The following F8 variants were observed in gnomAD, a reference collection of about 807,000 sequenced individuals.
F8 encodes coagulation factor VIII, also known as antihemophilic factor.
F8 carries 12 observed loss-of-function variants against 140.6 expected under a neutral mutation model. That is an observed-to-expected ratio of 0.09 (90% CI 0.05 to 0.14). The LOEUF is 0.14. F8 is among the 10% of genes least tolerant of loss of function. The pLI is 1.00. For synonymous variants in F8, 585 were observed against 614.6 expected (o/e 0.95, Z 0.71); for missense variants, 1,354 against 1,720.7 (o/e 0.79, Z 3.77).
chrX:154,903,602 G>T (rs918917917), intron 18 of F8, among the ~76,000 whole-genome samples: 4 of 111,840 alleles, frequency 3.6e-5, no homozygotes, highest in Non-Finnish European at 7.5e-5. Flanking sequence ...GATGACTACT[G>T]GTGCCCTATG....
At chrX:154,947,956 A>G in intron 12 of F8, 49 bp from the exon 13 acceptor site, 5 of 980,369 alleles carry the variant, frequency 5.1e-6, no homozygotes, top group Non-Finnish European at 7.3e-6. Context: ...CAGATTTAGT[A>G]TTTTGGATTG....
intron 3 of F8, 77 bp downstream of exon 3, chrX:154,996,896 C>T (rs1459779807): frequency 2.4e-5 from 26 of 1,083,842 alleles, no homozygotes; most frequent in Middle Eastern, 2.8e-4. Context: ...AGAGTTGTAA[C>T]GCCACCATTA....
chrX:154,946,965 C>T (rs138895701), intron 13 of F8, among the ~76,000 whole-genome samples: 1,957 of 111,276 alleles, frequency 0.018, 44 homozygotes, highest in African/African-American at 0.06. Flanking sequence ...GTGGCTCACG[C>T]CTGTAATCCC....
At position 154,861,748 on chromosome X, in the gene F8, G is replaced by C. The variant is rs1253629664; in HGVS notation, c.6693C>G (p.Leu2231=). The change falls in exon 24 of 26, where the codon CTC becomes CTG. Residue 2231 remains leucine, a synonymous_variant. Transcript: ENST00000360256. ...GTCTCCAGGCATTACTCCTCCCTTG[G>C]AGGTGAAGTCGAGCTTTTGAAGGAG... is the stretch of plus-strand genomic sequence containing the variant. ...TWSPSKARLH[L]QGRSNAWRPQ... The C allele has an allele frequency of 3.3e-6, 4 of 1,210,324 alleles. No homozygotes were observed. The highest frequency in any genetic ancestry group is 3.4e-6 in the Non-Finnish European group (3 of 895,281).
At chrX:154,858,738 C>T (rs1338701079) in intron 25 of F8, among the ~76,000 whole-genome samples, 2 of 112,202 alleles carry the variant, frequency 1.8e-5, no homozygotes, top group Non-Finnish European at 3.8e-5. Flanking sequence ...AGGTAGTTAT[C>T]AATACCAGCC....
intron 12 of F8, among the ~76,000 whole-genome samples, chrX:154,953,681 C>A (rs1407083085): frequency 9.0e-6 from 1 of 111,562 alleles, no homozygotes; most frequent in Non-Finnish European, 1.9e-5. Flanking sequence ...AGAGGGAAAT[C>A]AAGTAAATAT....
chrX:154,899,090 G>A (rs1184173076), intron 21 of F8, among the ~76,000 whole-genome samples: 1 of 112,794 alleles, frequency 8.9e-6, no homozygotes, highest in Non-Finnish European at 1.9e-5. Flanking sequence ...ATAACATGTT[G>A]TTTGGCAGAA....
At chrX:154,868,173 C>A in intron 22 of F8, among the ~76,000 whole-genome samples, 1 of 111,547 alleles carries the variant, frequency 9.0e-6, no homozygotes, top group Non-Finnish European at 1.9e-5. Flanking sequence ...GAATCGTAAT[C>A]CCCATAATGC....
intron 22 of F8, among the ~76,000 whole-genome samples, chrX:154,878,428 C>CAAAA (rs57418004): frequency 1.1e-4 from 3 of 26,738 alleles, no homozygotes; most frequent in Non-Finnish European, 1.4e-4. Context: ...TTTTCATGAC[C>CAAAA]AAAAAAAAAA....
At chrX:154,941,369 G>T (rs1247702382) in intron 13 of F8, among the ~76,000 whole-genome samples, 1 of 111,538 alleles carries the variant, frequency 9.0e-6, no homozygotes, top group Non-Finnish European at 1.9e-5. Context: ...TGCAATCCTA[G>T]TCTCTGATAG....
At chrX:154,864,739 T>C (rs1383540911) in intron 22 of F8, among the ~76,000 whole-genome samples, 1 of 111,670 alleles carries the variant, frequency 9.0e-6, no homozygotes, top group African/African-American at 3.3e-5. Flanking sequence ...GCAGACTCAA[T>C]CATTCAGAAG....
intron 25 of F8, among the ~76,000 whole-genome samples, chrX:154,856,212 A>AC (rs1353516391): frequency 8.9e-6 from 1 of 112,847 alleles, no homozygotes; most frequent in African/African-American, 3.2e-5. Flanking sequence ...TTCAGAAGAC[A>AC]CAGATCTCAC....
intron 4 of F8, among the ~76,000 whole-genome samples, chrX:154,988,697 C>T (rs1259155113): frequency 8.9e-6 from 1 of 111,972 alleles, no homozygotes; most frequent in Non-Finnish European, 1.9e-5. Context: ...GCAGATTCCC[C>T]CACTGAACCA....
At chrX:154,956,044 G>A (rs1227092779) in intron 11 of F8, among the ~76,000 whole-genome samples, 1 of 111,795 alleles carries the variant, frequency 8.9e-6, no homozygotes, top group Non-Finnish European at 1.9e-5. Flanking sequence ...CTCCCCCTGG[G>A]AATGCATTCT....
At chrX:154,982,684 G>A (rs887966974) in intron 6 of F8, among the ~76,000 whole-genome samples, 1 of 110,537 alleles carries the variant, frequency 9.0e-6, no homozygotes, top group African/African-American at 3.3e-5. Context: ...AAAATTAACG[G>A]TAGTAGCCAT....
chrX:154,878,829 C>T lies in F8; in HGVS notation c.6430-15602G>A, dbSNP rs994867551. ...CGTGCAAAAATCAGTTGTATTTCTA[C>T]ACACTAGCAATGAACAATCTGAGAT... On this transcript the variant is annotated intron_variant, in intron 22 of 25. Coordinates refer to ENST00000360256, the MANE Select transcript of F8 (RefSeq NM_000132.4). Among the ~76,000 whole-genome samples the T allele has an allele frequency of 3.6e-5, 4 of 112,014 alleles. No homozygotes were observed. In the Admixed American group the frequency reaches 3.8e-4, roughly 11 times the overall value.
intron 25 of F8, among the ~76,000 whole-genome samples, chrX:154,845,111 T>C (rs1557271630): frequency 8.9e-6 from 1 of 112,127 alleles, no homozygotes; most frequent in African/African-American, 3.2e-5. Flanking sequence ...TTTTCGTATG[T>C]TGAACCAGCC....
chrX:155,008,655 G>T (rs1293346401), intron 1 of F8, among the ~76,000 whole-genome samples: 1 of 110,858 alleles, frequency 9.0e-6, no homozygotes, highest in African/African-American at 3.3e-5. Context: ...TGAGGTGTGC[G>T]CCGGGATTGC....
At chrX:154,940,760 A>G (rs1318700599) in intron 13 of F8, among the ~76,000 whole-genome samples, 1 of 112,274 alleles carries the variant, frequency 8.9e-6, no homozygotes, top group Non-Finnish European at 1.9e-5. Flanking sequence ...AAGGACAGCC[A>G]GACAGAAAGG....
Sources: gnomAD v4.1 joint callset for allele counts (sites outside exome capture counted in the v4.1 genomes callset) on GRCh38, gnomAD v4.1.1 for gene constraint, MANE v1.5 for transcripts, NCBI Gene and HGNC (gene_info 2026-07-23, HGNC 2026-07-21) for gene names.